PLD5: variants seen among roughly 807,000 people sequenced by gnomAD.
The protein encoded by PLD5 is inactive phospholipase D5.
A neutral mutation model predicts 61.1 loss-of-function variants in PLD5; 36 were observed. The observed-to-expected ratio is 0.59, with a 90% confidence interval of 0.45 to 0.78. The LOEUF (loss-of-function observed/expected upper bound fraction) is 0.78, where lower values mean the gene tolerates loss of function less well. Ranked by LOEUF, PLD5 falls within the 30% of genes least tolerant of loss-of-function variation. PLD5 has a pLI of 0.00. For synonymous variants in PLD5, 243 were observed against 242.8 expected, an observed-to-expected ratio of 1.00 and a Z score of -0.01; for missense variants, 515 against 644.4, an observed-to-expected ratio of 0.80 and a Z score of 2.17.
intron 7 of PLD5, 118 bp from the exon 8 acceptor site, chr1:242,107,957 T>C: frequency 1.0e-6 from 1 of 961,726 alleles, no homozygotes; most frequent in South Asian, 2.2e-5. Context: ...GTAATATATA[T>C]AAGCAACCTC....
At chr1:242,235,442 A>G (rs1671575533) in intron 4 of PLD5, 1 of 152,208 alleles carries the variant, frequency 6.6e-6, no homozygotes, top group Admixed American at 6.5e-5. Context: ...AGCTCAGTGT[A>G]TATCCTAAAA....
chr1:242,248,405 C>A (rs1425482807), intron 4 of PLD5, among the ~76,000 whole-genome samples: 1 of 151,896 alleles, frequency 6.6e-6, no homozygotes, highest in Non-Finnish European at 1.5e-5. Context: ...TGTAACAAAC[C>A]TGCATGTTCT....
intron 3 of PLD5, among the ~76,000 whole-genome samples, chr1:242,287,758 G>C (rs188488627): frequency 1.3e-5 from 2 of 152,150 alleles, no homozygotes; most frequent in Non-Finnish European, 2.9e-5. Flanking sequence ...CTTACACCCA[G>C]AGCATTTTAT....
chr1:242,121,994 A>G (rs941404326), intron 6 of PLD5, among the ~76,000 whole-genome samples: 10 of 151,970 alleles, frequency 6.6e-5, no homozygotes, highest in Non-Finnish European at 1.5e-5. Flanking sequence ...TAATGTAAAT[A>G]TGAGTTAGTG....
At chr1:242,461,126 G>A (rs1486962600) in intron 1 of PLD5, among the ~76,000 whole-genome samples, 1 of 152,174 alleles carries the variant, frequency 6.6e-6, no homozygotes, top group African/African-American at 2.4e-5. Context: ...GGGTGACAGA[G>A]GGAGACTGTC....
At chr1:242,291,312 C>T (rs368929952) in intron 2 of PLD5, among the ~76,000 whole-genome samples, 38 of 152,204 alleles carry the variant, frequency 2.5e-4, no homozygotes, top group Non-Finnish European at 2.9e-4. Flanking sequence ...CTACACCTCA[C>T]TCCTGAAATT....
chr1:242,280,343 G>A (rs550811968), intron 3 of PLD5, among the ~76,000 whole-genome samples: 135 of 152,216 alleles, frequency 8.9e-4, no homozygotes, highest in African/African-American at 3.1e-3. Context: ...AAAACCAAGC[G>A]CTGAGAACTA....
intron 5 of PLD5, among the ~76,000 whole-genome samples, chr1:242,165,333 A>C (rs1323365425): frequency 6.6e-6 from 1 of 151,452 alleles, no homozygotes; most frequent in African/African-American, 2.4e-5. Flanking sequence ...ACTTTTATTT[A>C]TGGGAAATTT....
rs1236326407 is a variant in PLD5 at position 242,524,410 on chromosome 1, G to T, written c.-134C>A. Reference sequence around the variant, plus strand: ...GGAGACTGAGCTGGAGGAGCTGGAGGAGCGAGCGGGCGCGGGGAGCGCGGG... The same window carrying T: ...GGAGACTGAGCTGGAGGAGCTGGAGTAGCGAGCGGGCGCGGGGAGCGCGGG... On this transcript the variant is annotated 5_prime_UTR_variant, in exon 1 of 10. Coordinates refer to ENST00000536534, the MANE Select transcript of PLD5 (RefSeq NM_001372062.1). 5.6e-6 allele frequency: 5 copies of T among 891,620 alleles called. No individual in the cohort carries two copies. In the African/African-American group the frequency reaches 8.8e-5, roughly 16 times the overall value. The allele number at this position is 891,620 out of a possible 1,614,324, so 55.2% of individuals were successfully genotyped here. A position where few individuals can be genotyped will look rare whatever the true frequency, so the allele number is the denominator to read the frequency against.
At chr1:242,396,019 GC>G (rs1022287820) in intron 1 of PLD5, among the ~76,000 whole-genome samples, 8 of 152,110 alleles carry the variant, frequency 5.3e-5, no homozygotes, top group African/African-American at 1.9e-4. Context: ...TTGCACTCCA[GC>G]CTGGGTAATA....
intron 5 of PLD5, among the ~76,000 whole-genome samples, chr1:242,148,689 C>T (rs1664713284): frequency 6.6e-6 from 1 of 151,774 alleles, no homozygotes; most frequent in African/African-American, 2.4e-5. Flanking sequence ...TCTTTACATA[C>T]TTTGTAAGAT....
intron 7 of PLD5, among the ~76,000 whole-genome samples, chr1:242,108,769 A>G (rs1376726896): frequency 2.0e-5 from 3 of 152,202 alleles, no homozygotes; most frequent in Non-Finnish European, 4.4e-5. Flanking sequence ...ATGATACATT[A>G]TTTGAAACTG....
chr1:242,132,836 T>A (rs76499139), intron 5 of PLD5, among the ~76,000 whole-genome samples: 5,447 of 152,196 alleles, frequency 0.036, 122 homozygotes, highest in Non-Finnish European at 0.054. Flanking sequence ...GATGTTAGAA[T>A]CTTAGAGAAC....
chr1:242,502,903 A>G lies in PLD5; in HGVS notation c.189+21185T>C, dbSNP rs535441931. ...TGACAAAACCCTGTCTCTACTAAAAATACAAAAATTAGCCTGGCGTGGTGG... is the reference window on the plus strand; with the variant it reads ...TGACAAAACCCTGTCTCTACTAAAAGTACAAAAATTAGCCTGGCGTGGTGG... On this transcript the variant is annotated intron_variant, in intron 1 of 9. Coordinates refer to ENST00000536534, the MANE Select transcript of PLD5 (RefSeq NM_001372062.1). Among the ~76,000 whole-genome samples the G allele has an allele frequency of 5.9e-5, 9 of 152,224 alleles. No homozygotes were observed. The South Asian group carries it at 1.5e-3, about 25-fold the overall frequency.
chr1:242,396,851 TG>T (rs1663610705), intron 1 of PLD5, among the ~76,000 whole-genome samples: 1 of 151,950 alleles, frequency 6.6e-6, no homozygotes, highest in African/African-American at 2.4e-5. Context: ...AGCTAATTTT[TG>T]TATTTTTAGC....
chr1:242,225,891 C>T (rs1670911080), intron 4 of PLD5, among the ~76,000 whole-genome samples: 2 of 152,154 alleles, frequency 1.3e-5, no homozygotes, highest in South Asian at 4.1e-4. Flanking sequence ...TGGGTAAATA[C>T]CTAGGAGTGA....
chr1:242,462,513 C>A (rs115241046), intron 1 of PLD5, among the ~76,000 whole-genome samples: 8 of 151,786 alleles, frequency 5.3e-5, no homozygotes, highest in African/African-American at 1.9e-4. Flanking sequence ...ACTACTTATG[C>A]TCACCGCCTG....
intron 1 of PLD5, among the ~76,000 whole-genome samples, chr1:242,500,377 C>T (rs912083059): frequency 2.6e-5 from 4 of 152,170 alleles, no homozygotes; most frequent in African/African-American, 9.7e-5. Flanking sequence ...TTCTGATAAT[C>T]AACTGTCCAA....
chr1:242,174,433 AC>A (rs1424704336), intron 5 of PLD5, among the ~76,000 whole-genome samples: 2 of 151,978 alleles, frequency 1.3e-5, no homozygotes, highest in Non-Finnish European at 2.9e-5. Flanking sequence ...AAATAGGAAC[AC>A]TTTTACACTG....
Sources: allele counts gnomAD v4.1 joint callset (sites outside exome capture counted in the v4.1 genomes callset), GRCh38; gene constraint gnomAD v4.1.1; transcripts MANE v1.5; gene names NCBI Gene and HGNC (gene_info 2026-07-23, HGNC 2026-07-21).